Variants in ANKHD1 observed in about 807,000 individuals in gnomAD.
ANKHD1 encodes the protein ankyrin repeat and KH domain-containing protein 1.
Under a neutral mutation model 230.5 loss-of-function variants are expected in ANKHD1, and 31 were observed. That is an observed-to-expected ratio of 0.13 (90% CI 0.10 to 0.18). The LOEUF (loss-of-function observed/expected upper bound fraction) is 0.18. Among genes scored for constraint, ANKHD1 ranks in the 10% least tolerant of loss-of-function variants. ANKHD1 has a pLI of 1.00. For missense variants in ANKHD1, 2,256 were observed against 3,071.3 expected, an observed-to-expected ratio of 0.73 and a Z score of 6.27; for synonymous variants, 1,074 against 1,117.6, an observed-to-expected ratio of 0.96 and a Z score of 0.78.
At chr5:140,411,833 ATT>A (rs933003874) in intron 1 of ANKHD1, among the ~76,000 whole-genome samples, 1 of 141,778 alleles carries the variant, frequency 7.1e-6, no homozygotes, top group Admixed American at 7.2e-5. Flanking sequence ...CTTTTTTTAA[ATT>A]TTTTTTTTTT....
At chr5:140,458,989 T>TATAC (rs1775483176) in intron 8 of ANKHD1, 127 bp downstream of exon 8, 3 of 18,672 alleles carry the variant, frequency 1.6e-4, no homozygotes, top group Non-Finnish European at 1.8e-4. Context: ...TGCATATATA[T>TATAC]ATATATGCAT....
At chr5:140,520,174 A>T (rs1431295876) in intron 24 of ANKHD1, among the ~76,000 whole-genome samples, 1 of 152,202 alleles carries the variant, frequency 6.6e-6, no homozygotes, top group Admixed American at 6.5e-5. Flanking sequence ...AAACACATGA[A>T]AAAATGCTCC....
intron 1 of ANKHD1, among the ~76,000 whole-genome samples, chr5:140,426,670 G>T (rs535562677): frequency 4.7e-4 from 71 of 152,256 alleles, no homozygotes; most frequent in African/African-American, 1.6e-3. Flanking sequence ...GCGGCCTTCC[G>T]CAGTGTTTGT....
intron 22 of ANKHD1, 129 bp downstream of exon 22, chr5:140,510,310 T>TC: frequency 3.9e-6 from 1 of 258,594 alleles, no homozygotes; most frequent in Non-Finnish European, 4.7e-6. Context: ...CTTTCCATTC[T>TC]TTTTTTTTTT....
chr5:140,405,498 G>T (rs1413688380), intron 1 of ANKHD1, among the ~76,000 whole-genome samples: 1 of 152,128 alleles, frequency 6.6e-6, no homozygotes, highest in Non-Finnish European at 1.5e-5. Context: ...AAGATGAGCT[G>T]TCTTCTTTTA....
intron 1 of ANKHD1, among the ~76,000 whole-genome samples, chr5:140,416,546 T>C (rs1771410294): frequency 6.6e-6 from 1 of 152,228 alleles, no homozygotes; most frequent in South Asian, 2.1e-4. Context: ...ATCTATTCCA[T>C]TGGTCTATAT....
intron 9 of ANKHD1, 112 bp from the exon 10 acceptor site, chr5:140,464,555 C>A: frequency 1.1e-6 from 1 of 895,472 alleles, no homozygotes; most frequent in Non-Finnish European, 1.6e-6. Flanking sequence ...ACTTAAAATG[C>A]ATTTTGATAT....
chr5:140,405,764 C>A lies in ANKHD1; in HGVS notation c.306+3491C>A, dbSNP rs572201352. Among the ~76,000 whole-genome samples the A allele has an allele frequency of 2.8e-3, 424 of 152,214 alleles. 2 individuals are homozygous for A. Among genetic ancestry groups the A allele is most frequent in the African/African-American group, 9.9e-3 (411 of 41,542 alleles). On this transcript the variant is annotated intron_variant, in intron 1 of 33. Transcript: ENST00000360839. ...TCTTCTGTCTCACCCTCCTGAGTAGCTGGGATTACAGATATCCACCACCAC... is the reference window on the plus strand; with the variant it reads ...TCTTCTGTCTCACCCTCCTGAGTAGATGGGATTACAGATATCCACCACCAC...
At chr5:140,468,052 CTTTTTTTTTTTTTTTTTTTTTTTTTT>C (rs869172143) in intron 10 of ANKHD1, among the ~76,000 whole-genome samples, 9 of 52,380 alleles carry the variant, frequency 1.7e-4, no homozygotes, top group Admixed American at 3.0e-4. Flanking sequence ...TGTACTAATT[CTTTTTTTTTTTTTTTTTTTTTTTTTT>C]TTTTTTTTTT....
chr5:140,472,254 A>G (rs775128034), intron 10 of ANKHD1: 3 of 1,613,194 alleles, frequency 1.9e-6, no homozygotes, highest in African/African-American at 1.3e-5. Context: ...GCAGGAGGAC[A>G]TGAAGACTAT....
chr5:140,419,790 CTT>C (rs776747382), intron 1 of ANKHD1, among the ~76,000 whole-genome samples: 45,764 of 132,184 alleles, frequency 0.35, 8,537 homozygotes, highest in Non-Finnish European at 0.41. Context: ...TTCTTTCTTT[CTT>C]TCTTTCTTTC....
chr5:140,530,564 G>C (rs1753768465), intron 29 of ANKHD1, among the ~76,000 whole-genome samples: 1 of 152,170 alleles, frequency 6.6e-6, no homozygotes, highest in East Asian at 1.9e-4. Flanking sequence ...TCTTACTTTT[G>C]AAAGACCAGT....
intron 29 of ANKHD1, among the ~76,000 whole-genome samples, chr5:140,533,603 AAAAT>A (rs1172299327): frequency 2.0e-5 from 3 of 151,816 alleles, no homozygotes; most frequent in Non-Finnish European, 4.4e-5. Context: ...CCTCTCAAGA[AAAAT>A]AAATAAATAA....
chr5:140,462,701 G>A lies in ANKHD1; in HGVS notation c.1673-1966G>A, dbSNP rs547822377. 7.5e-4 allele frequency among the ~76,000 whole-genome samples: 98 copies of A among 129,944 alleles called. 1 individual carries two copies. The highest frequency in any genetic ancestry group is 3.5e-3 in the Admixed American group (39 of 10,994). The allele number at this position is 129,944 out of a possible 152,430, so 85.2% of individuals were successfully genotyped here. On this transcript the variant is annotated intron_variant, in intron 9 of 33. Coordinates refer to ENST00000360839, the MANE Select transcript of ANKHD1 (RefSeq NM_017747.3). ...GATGGTGCCACTGCACTCCAGCCTGGGTGACAGAGCGAGACTCCATCTCAA... is the reference window on the plus strand; with the variant it reads ...GATGGTGCCACTGCACTCCAGCCTGAGTGACAGAGCGAGACTCCATCTCAA...
intron 1 of ANKHD1, among the ~76,000 whole-genome samples, chr5:140,419,283 A>G (rs1771668992): frequency 6.9e-6 from 1 of 145,190 alleles, no homozygotes; most frequent in African/African-American, 2.5e-5. Flanking sequence ...AGAAATATCT[A>G]TTCAAATATT....
At chr5:140,413,962 G>A (rs911743417) in intron 1 of ANKHD1, among the ~76,000 whole-genome samples, 1 of 152,132 alleles carries the variant, frequency 6.6e-6, no homozygotes, top group Non-Finnish European at 1.5e-5. Flanking sequence ...TGTATTTTTA[G>A]TGGAGATGGG....
At chr5:140,515,897 C>T (rs2127068066) in intron 24 of ANKHD1, among the ~76,000 whole-genome samples, 1 of 152,354 alleles carries the variant, frequency 6.6e-6, no homozygotes, top group Non-Finnish European at 1.5e-5. Context: ...GCCTCTCCTC[C>T]TCCAAAGGAA....
chr5:140,525,193 A>C (rs528025078), intron 25 of ANKHD1, among the ~76,000 whole-genome samples: 29 of 152,326 alleles, frequency 1.9e-4, no homozygotes, highest in Admixed American at 2.6e-4. Flanking sequence ...TTAGACAAGA[A>C]AATATATTTT....
chr5:140,533,064 C>T (rs1753905029), intron 29 of ANKHD1, among the ~76,000 whole-genome samples: 1 of 150,480 alleles, frequency 6.6e-6, no homozygotes, highest in East Asian at 2.0e-4. Context: ...TGCCACTATA[C>T]TCAGCCTGGG....
Sources: gnomAD v4.1 joint callset for allele counts (sites outside exome capture counted in the v4.1 genomes callset) on GRCh38, gnomAD v4.1.1 for gene constraint, MANE v1.5 for transcripts, NCBI Gene and HGNC (gene_info 2026-07-23, HGNC 2026-07-21) for gene names.